Variants in NAE1 observed in about 807,000 individuals in gnomAD.
NAE1 encodes NEDD8-activating enzyme E1 regulatory subunit.
In NAE1, 59 loss-of-function variants were observed where a neutral mutation model predicts 88.0. That is an observed-to-expected ratio of 0.67 (90% CI 0.54 to 0.83). The LOEUF (loss-of-function observed/expected upper bound fraction) is 0.83, where lower values mean the gene tolerates loss of function less well. Among genes scored for constraint, NAE1 ranks in the 40% least tolerant of loss-of-function variants. NAE1 has a pLI of 0.00. For missense variants in NAE1, 554 were observed against 632.8 expected (o/e 0.88, Z 1.34); for synonymous variants, 186 against 208.9 (o/e 0.89, Z 0.95).
Position 66,830,749 on chromosome 16 carries a change from C to T in NAE1, c.53+98G>A, listed in dbSNP as rs1242867724. 2.4e-5 allele frequency: 29 copies of T among 1,197,536 alleles called. 1 individual carries two copies. The highest frequency in any genetic ancestry group is 3.2e-5 in the Non-Finnish European group (28 of 868,116). 74.2% of individuals were successfully genotyped at this position (1,197,536 alleles called of 1,614,324 possible). On this transcript the variant is annotated intron_variant, in intron 1 of 19. Coordinates refer to ENST00000290810, the MANE Select transcript of NAE1 (RefSeq NM_003905.4). ...CGGCCCGGCCCAGCCTGGAAGAAGG[C>T]CTGAGGAAGGCCCGACCGCGCCGCC...
At chr16:66,811,810 T>G (rs1203508442) in intron 13 of NAE1, among the ~76,000 whole-genome samples, 1 of 152,210 alleles carries the variant, frequency 6.6e-6, no homozygotes, top group African/African-American at 2.4e-5. Flanking sequence ...TCAATTGACC[T>G]TCCCCAAGTT....
At chr16:66,821,389 CA>C in intron 7 of NAE1, 60 bp downstream of exon 7, 3 of 1,413,712 alleles carry the variant, frequency 2.1e-6, no homozygotes, top group Non-Finnish European at 1.9e-6. Flanking sequence ...TCTAAATTGT[CA>C]AGTTTCTAAA....
At chr16:66,816,371 G>C (rs2145331758) in intron 11 of NAE1, among the ~76,000 whole-genome samples, 1 of 152,080 alleles carries the variant, frequency 6.6e-6, no homozygotes, top group South Asian at 2.1e-4. Context: ...CACTATGTTG[G>C]CCAGGCTGGT....
chr16:66,830,092 G>T (rs1057227789), intron 1 of NAE1, among the ~76,000 whole-genome samples: 1 of 152,040 alleles, frequency 6.6e-6, no homozygotes, highest in African/African-American at 2.4e-5. Context: ...TCACCATGTT[G>T]CCCAGGCTGG....
chr16:66,814,207 G>A (rs1959939546), intron 11 of NAE1, among the ~76,000 whole-genome samples: 1 of 151,964 alleles, frequency 6.6e-6, no homozygotes, highest in South Asian at 2.1e-4. Context: ...TGAAACCCTT[G>A]CACCCTAATT....
intron 1 of NAE1, chr16:66,827,932 C>T: frequency 1.3e-6 from 2 of 1,511,242 alleles, no homozygotes; most frequent in South Asian, 1.1e-5. Flanking sequence ...GCATTTCTCT[C>T]GCCTCAGCCT....
rs897924997 is a variant in NAE1, at chr16:66,806,428, CT to C, written c.1331-403del. Reference sequence around the variant, plus strand: ...ACATAAAGCTATTAATAATAGGTAACTTTTTTTTTTTCTTTTGAGAGAGAGT... The same window carrying C: ...ACATAAAGCTATTAATAATAGGTAACTTTTTTTTTTCTTTTGAGAGAGAGT... On this transcript the variant is annotated intron_variant, in intron 17 of 19. Transcript: ENST00000290810. Among the ~76,000 whole-genome samples the C allele has an allele frequency of 5.3e-4, 79 of 147,972 alleles. No homozygotes were observed. In the East Asian group the frequency reaches 9.9e-3, roughly 18 times the overall value.
intron 1 of NAE1, chr16:66,827,931 T>C: frequency 6.6e-7 from 1 of 1,512,094 alleles, no homozygotes; most frequent in Non-Finnish European, 9.1e-7. Context: ...AGCATTTCTC[T>C]CGCCTCAGCC....
intron 7 of NAE1, 39 bp from the exon 8 acceptor site, chr16:66,818,676 T>TAAA (rs747572422): frequency 5.0e-6 from 6 of 1,209,298 alleles, no homozygotes; most frequent in East Asian, 2.9e-5. Flanking sequence ...ATTTAACACT[T>TAAA]AAAAAAAAAA....
rs375288952 is a variant in NAE1, at chr16:66,828,414, G to A, written c.54-1634C>T. Among the ~76,000 whole-genome samples, 14 of 151,320 alleles carry A rather than the reference G, an allele frequency of 9.3e-5. No individual in the cohort carries two copies. In the South Asian group the frequency reaches 2.1e-3, roughly 23 times the overall value. On this transcript the variant is annotated intron_variant, in intron 1 of 19. Coordinates refer to ENST00000290810, the MANE Select transcript of NAE1 (RefSeq NM_003905.4). ...GCTGAGGCATGAGAATCGCATGAAC[G>A]CAGGAGGCGGAGATTGCAGTGAGCC... is the stretch of plus-strand genomic sequence containing the variant.
intron 7 of NAE1, 30 bp downstream of exon 7, chr16:66,821,420 A>G (rs1032919148): frequency 6.0e-6 from 9 of 1,507,840 alleles, no homozygotes; most frequent in South Asian, 2.6e-5. Context: ...AAAGCAACCA[A>G]TAGTAAGCCC....
At chr16:66,809,328 T>C (rs1959695015) in intron 15 of NAE1, among the ~76,000 whole-genome samples, 1 of 152,156 alleles carries the variant, frequency 6.6e-6, no homozygotes, top group Non-Finnish European at 1.5e-5. Context: ...TTTTCAAGTG[T>C]AAAATGGGGA....
rs2145364614 is a variant in NAE1, at chr16:66,830,922, A to G, written c.-23T>C. The stretch of plus-strand genomic sequence containing the variant: ...CATGGCCGCGCCTGCCGCGCGGAAA[A>G]CAGCCGAGCCCCTGCGGAGCGCCGC... On this transcript the variant is annotated 5_prime_UTR_variant, in exon 1 of 20. Coordinates refer to ENST00000290810, the MANE Select transcript of NAE1 (RefSeq NM_003905.4). The G allele has an allele frequency of 1.3e-6, 2 of 1,525,740 alleles. No homozygotes were observed. Among genetic ancestry groups the G allele is most frequent in the South Asian group, 2.4e-5 (2 of 82,970 alleles). The allele number at this position is 1,525,740 out of a possible 1,614,324, so 94.5% of individuals were successfully genotyped here.
At chr16:66,805,437 T>C (rs1959524183) in intron 19 of NAE1, among the ~76,000 whole-genome samples, 1 of 151,656 alleles carries the variant, frequency 6.6e-6, no homozygotes, top group South Asian at 2.1e-4. Flanking sequence ...ACTGAATAAA[T>C]ATCCTAACCT....
At chr16:66,808,897 A>C in intron 16 of NAE1, 92 bp downstream of exon 16, 1 of 767,888 alleles carries the variant, frequency 1.3e-6, no homozygotes, top group Non-Finnish European at 2.0e-6. Flanking sequence ...CTTTAATATC[A>C]TCACCATATA....
chr16:66,829,239 A>C (rs890738524), intron 1 of NAE1, among the ~76,000 whole-genome samples: 3 of 152,238 alleles, frequency 2.0e-5, no homozygotes, highest in Admixed American at 2.0e-4. Context: ...AGAGTTGCTT[A>C]GTAACCTCAA....
chr16:66,809,965 C>A (rs1285967378), intron 15 of NAE1, among the ~76,000 whole-genome samples: 3 of 152,172 alleles, frequency 2.0e-5, no homozygotes, highest in Non-Finnish European at 2.9e-5. Context: ...AAATTCTTAA[C>A]TCCATTACAG....
intron 3 of NAE1, among the ~76,000 whole-genome samples, chr16:66,825,425 C>T (rs1391136047): frequency 6.9e-6 from 1 of 144,164 alleles, no homozygotes; most frequent in Non-Finnish European, 1.5e-5. Context: ...CCAGCCTGGG[C>T]GACAGAGAAA....
chr16:66,809,058 G>A lies in NAE1; in HGVS notation c.1168C>T (p.Leu390Phe), dbSNP rs759084335. The change falls in exon 16 of 20, where the codon CTT becomes TTT. Residue 390 changes from leucine (L) to phenylalanine (F), a missense_variant. Transcript: ENST00000290810. ...LKLLCSNSAF[L>F]RVVRCRSLAE... is the part of the protein sequence containing the mutation. ...AAGGATCGACATCTTACCACTCGAAGAAATGCAGAATTGCTGCCTGAACAG... is the reference window on the plus strand; with the variant it reads ...AAGGATCGACATCTTACCACTCGAAAAAATGCAGAATTGCTGCCTGAACAG... 1 of 1,611,828 alleles carries A rather than the reference G, an allele frequency of 6.2e-7. No homozygotes were observed. Among genetic ancestry groups the A allele is most frequent in the Non-Finnish European group, 8.5e-7 (1 of 1,178,652 alleles).
Sources: gnomAD v4.1 joint callset for allele counts (sites outside exome capture counted in the v4.1 genomes callset) on GRCh38, gnomAD v4.1.1 for gene constraint, MANE v1.5 for transcripts, NCBI Gene and HGNC (gene_info 2026-07-23, HGNC 2026-07-21) for gene names.